The following COL4A3 variants were observed in gnomAD, a reference collection of about 807,000 sequenced individuals.
COL4A3 encodes collagen type IV alpha 3 chain, also known as collagen alpha-3(IV) chain.
In COL4A3, 135 loss-of-function variants were observed where a neutral mutation model predicts 217.4. That is an observed-to-expected ratio of 0.62 (90% CI 0.54 to 0.72). The LOEUF (loss-of-function observed/expected upper bound fraction) is 0.72, where lower values mean the gene tolerates loss of function less well. Among genes scored for constraint, COL4A3 ranks in the 30% least tolerant of loss-of-function variants. The pLI is 0.00. For missense variants in COL4A3, 1,868 were observed against 2,119.9 expected (o/e 0.88, Z 2.33); for synonymous variants, 690 against 736.3 (o/e 0.94, Z 1.02).
intron 34 of COL4A3, among the ~76,000 whole-genome samples, chr2:227,287,160 G>A (rs780891058): frequency 2.6e-5 from 4 of 152,188 alleles, no homozygotes; most frequent in Non-Finnish European, 4.4e-5. Context: ...ACCGCCAGGC[G>A]TGGTGGCTCA....
At chr2:227,215,143 G>C (rs1317873603) in intron 1 of COL4A3, among the ~76,000 whole-genome samples, 1 of 151,844 alleles carries the variant, frequency 6.6e-6, no homozygotes, top group East Asian at 1.9e-4. Context: ...GAGCCTACCA[G>C]TCTCATCATC....
At chr2:227,276,587 C>G in intron 27 of COL4A3, 110 bp downstream of exon 27, 1 of 833,508 alleles carries the variant, frequency 1.2e-6, no homozygotes, top group Non-Finnish European at 2.0e-6. Flanking sequence ...TTCATTGGCT[C>G]CAAAAGAGAG....
rs116175062 is a variant in COL4A3, at chr2:227,176,165, C to T, written c.87+11352C>T. ...AACATGGCAATTGCTCAGTCTGTCCCGTTTAATTGATTTGGTGCCATTATT... is the reference window on the plus strand; with the variant it reads ...AACATGGCAATTGCTCAGTCTGTCCTGTTTAATTGATTTGGTGCCATTATT... On this transcript the variant is annotated intron_variant, in intron 1 of 51. Coordinates refer to ENST00000396578, the MANE Select transcript of COL4A3 (RefSeq NM_000091.5). 8.3e-3 allele frequency among the ~76,000 whole-genome samples: 1,263 copies of T among 152,190 alleles called. 8 individuals carry two copies. Among genetic ancestry groups the T allele is most frequent in the Non-Finnish European group, 0.013 (883 of 68,016 alleles).
chr2:227,166,138 T>C (rs978411920), intron 1 of COL4A3, among the ~76,000 whole-genome samples: 15 of 152,370 alleles, frequency 9.8e-5, no homozygotes, highest in African/African-American at 3.4e-4. Context: ...CCAAAGTTAA[T>C]TGAACCATTT....
chr2:227,297,158 C>T (rs1035460521), intron 41 of COL4A3, among the ~76,000 whole-genome samples: 14 of 152,294 alleles, frequency 9.2e-5, no homozygotes, highest in Middle Eastern at 3.4e-3. Context: ...AATTTTGTTG[C>T]TCCTTTGTCT....
intron 1 of COL4A3, among the ~76,000 whole-genome samples, chr2:227,176,417 TATTA>T (rs2065676012): frequency 6.6e-6 from 1 of 152,216 alleles, no homozygotes; most frequent in Non-Finnish European, 1.5e-5. Context: ...AGCATTTTGG[TATTA>T]ATTATTGCGG....
chr2:227,222,491 C>T (rs377701004), intron 1 of COL4A3: 1 of 152,250 alleles, frequency 6.6e-6, no homozygotes, highest in Admixed American at 6.5e-5. Context: ...ACTTGTCCCC[C>T]CTCCTAGGAA....
intron 1 of COL4A3, among the ~76,000 whole-genome samples, chr2:227,179,990 C>T (rs2065817878): frequency 6.6e-6 from 1 of 152,162 alleles, no homozygotes; most frequent in Non-Finnish European, 1.5e-5. Context: ...ATTTCAGTGG[C>T]TTGAAAACAT....
At chr2:227,289,899 C>A in intron 35 of COL4A3, 100 bp from the exon 36 acceptor site, 1 of 1,172,142 alleles carries the variant, frequency 8.5e-7, no homozygotes, top group Non-Finnish European at 1.3e-6. Flanking sequence ...GCCGGTCTGG[C>A]TGTTCTGCAT....
At chr2:227,170,222 G>A (rs1375128505) in intron 1 of COL4A3, among the ~76,000 whole-genome samples, 2 of 152,126 alleles carry the variant, frequency 1.3e-5, no homozygotes, top group African/African-American at 4.8e-5. Context: ...ACAGTTTGTA[G>A]ATACTCTTAG....
At chr2:227,249,230 A>ATATATATATATATATTTTTTTTT in intron 9 of COL4A3, among the ~76,000 whole-genome samples, 2 of 14,692 alleles carry the variant, frequency 1.4e-4, no homozygotes, top group African/African-American at 5.3e-4. Flanking sequence ...ATATATATAT[A>ATATATATATATATATTTTTTTTT]TTTTTTTTTT....
chr2:227,305,127 A>G, intron 47 of COL4A3, 44 bp downstream of exon 47: 1 of 1,553,318 alleles, frequency 6.4e-7, no homozygotes, highest in Non-Finnish European at 8.8e-7. Context: ...TGCTATTTCG[A>G]CATACAGAGA....
At chr2:227,203,102 C>T (rs1320872319) in intron 1 of COL4A3, among the ~76,000 whole-genome samples, 18 of 33,500 alleles carry the variant, frequency 5.4e-4, no homozygotes, top group Non-Finnish European at 7.9e-4. Flanking sequence ...TGTATATATA[C>T]ATATATGTGT....
intron 1 of COL4A3, among the ~76,000 whole-genome samples, chr2:227,217,528 T>C (rs1174067656): frequency 6.6e-6 from 1 of 152,204 alleles, no homozygotes; most frequent in Non-Finnish European, 1.5e-5. Context: ...CCACAGTTTA[T>C]AGGTTTGGGC....
rs1424591702 is a variant in COL4A3 at position 227,309,074 on chromosome 2, C to T, written c.4638C>T (p.Ser1546=). Residue 1546 remains serine, a splice_region_variant and synonymous_variant, in exon 49 of 52, where the codon AGC becomes AGT. Coordinates refer to ENST00000396578, the MANE Select transcript of COL4A3 (RefSeq NM_000091.5). The part of the protein sequence containing the change: ...ITGRALEPYI[S]RCTVCEGPAI... ...GCAGAGCCCTTGAGCCTTATATAAG[C>T]AGGTAAAAATCCAATCCCCTAGTTT... The T allele has an allele frequency of 6.2e-7, 1 of 1,614,050 alleles. No homozygotes were observed. The highest frequency in any genetic ancestry group is 8.5e-7 in the Non-Finnish European group (1 of 1,180,012).
chr2:227,203,102 CATATATGTGT>C (rs1366359441), intron 1 of COL4A3, among the ~76,000 whole-genome samples: 2 of 33,516 alleles, frequency 6.0e-5, no homozygotes, highest in Admixed American at 3.3e-4. Flanking sequence ...TGTATATATA[CATATATGTGT>C]ATATATGTGT....
At chr2:227,242,618 A>G (rs2069093161) in intron 3 of COL4A3, among the ~76,000 whole-genome samples, 1 of 152,216 alleles carries the variant, frequency 6.6e-6, no homozygotes, top group Non-Finnish European at 1.5e-5. Flanking sequence ...CCTTAGAACA[A>G]AAGACACTTC....
intron 1 of COL4A3, among the ~76,000 whole-genome samples, chr2:227,221,897 G>A (rs2067807356): frequency 6.6e-6 from 1 of 151,790 alleles, no homozygotes; most frequent in South Asian, 2.1e-4. Context: ...GTGAAAATAA[G>A]TGACTGAGGG....
intron 1 of COL4A3, among the ~76,000 whole-genome samples, chr2:227,231,356 A>AT (rs529845612): frequency 2.1e-3 from 311 of 146,162 alleles, no homozygotes; most frequent in African/African-American, 7.3e-3. Flanking sequence ...GTTTTCTTTT[A>AT]TTTTTTATAT....
Sources: allele counts gnomAD v4.1 joint callset (sites outside exome capture counted in the v4.1 genomes callset), GRCh38; gene constraint gnomAD v4.1.1; transcripts MANE v1.5; gene names NCBI Gene and HGNC (gene_info 2026-07-23, HGNC 2026-07-21).